Variants in WDR70 observed in about 807,000 individuals in gnomAD.
The protein encoded by WDR70 is WD repeat domain 70.
Under a neutral mutation model 88.6 loss-of-function variants are expected in WDR70, and 53 were observed. The observed-to-expected ratio is 0.60, with a 90% CI of 0.48 to 0.75. WDR70 has a LOEUF of 0.75. WDR70 is among the 30% of genes least tolerant of loss of function. The pLI is 0.00. For missense variants in WDR70, 610 were observed against 823.2 expected, an observed-to-expected ratio of 0.74 and a Z score of 3.17; for synonymous variants, 280 against 270.0, an observed-to-expected ratio of 1.04 and a Z score of -0.36.
intron 9 of WDR70, among the ~76,000 whole-genome samples, chr5:37,599,087 T>C (rs1161027710): frequency 6.6e-6 from 1 of 152,250 alleles, no homozygotes; most frequent in Non-Finnish European, 1.5e-5. Flanking sequence ...CTTGAAGGAC[T>C]ACATAAGCAA....
chr5:37,524,286 CAG>C (rs1201319314), intron 9 of WDR70, among the ~76,000 whole-genome samples: 1 of 152,202 alleles, frequency 6.6e-6, no homozygotes, highest in Non-Finnish European at 1.5e-5. Context: ...GATTTCTCGG[CAG>C]AAGCTCTACA....
chr5:37,484,190 A>T (rs1364622521), intron 8 of WDR70, among the ~76,000 whole-genome samples: 3 of 152,188 alleles, frequency 2.0e-5, no homozygotes, highest in Admixed American at 2.0e-4. Context: ...GCACTTTGGG[A>T]GGCCAAGGCA....
At chr5:37,565,851 A>G (rs1742724265) in intron 9 of WDR70, among the ~76,000 whole-genome samples, 1 of 152,110 alleles carries the variant, frequency 6.6e-6, no homozygotes, top group Non-Finnish European at 1.5e-5. Context: ...TTATAAATAG[A>G]AGATTTGAAT....
intron 10 of WDR70, among the ~76,000 whole-genome samples, chr5:37,609,956 T>C (rs1744139787): frequency 6.6e-6 from 1 of 152,198 alleles, no homozygotes; most frequent in Admixed American, 6.5e-5. Context: ...AAAGATTACT[T>C]TATGTCTTTC....
intron 10 of WDR70, among the ~76,000 whole-genome samples, chr5:37,627,772 GTGGCAAGATAAGA>G (rs1444781356): frequency 6.6e-6 from 1 of 152,124 alleles, no homozygotes; most frequent in Non-Finnish European, 1.5e-5. Flanking sequence ...TTATTTCATT[GTGGCAAGATAAGA>G]TGCGTCATAT....
intron 10 of WDR70, among the ~76,000 whole-genome samples, chr5:37,616,168 G>A (rs1158281276): frequency 2.6e-5 from 4 of 151,928 alleles, no homozygotes; most frequent in African/African-American, 9.7e-5. Flanking sequence ...CCAGGCTGGA[G>A]TGCAGTGGTG....
intron 10 of WDR70, among the ~76,000 whole-genome samples, chr5:37,650,770 G>A (rs1745384330): frequency 6.6e-6 from 1 of 152,106 alleles, no homozygotes; most frequent in Admixed American, 6.5e-5. Flanking sequence ...GAGAGCAGAT[G>A]GGAAAACCAT....
At chr5:37,630,525 C>T (rs1414827216) in intron 10 of WDR70, among the ~76,000 whole-genome samples, 1 of 152,046 alleles carries the variant, frequency 6.6e-6, no homozygotes, top group Non-Finnish European at 1.5e-5. Context: ...ACTTGTAGGC[C>T]TCTCCCACCT....
intron 9 of WDR70, among the ~76,000 whole-genome samples, chr5:37,584,733 C>G (rs1051837975): frequency 7.3e-5 from 11 of 151,564 alleles, no homozygotes; most frequent in African/African-American, 2.4e-4. Context: ...CTGCAGATAC[C>G]CAAGAAGAAG....
At chr5:37,678,990 C>T (rs1484806782) in intron 10 of WDR70, among the ~76,000 whole-genome samples, 2 of 152,186 alleles carry the variant, frequency 1.3e-5, no homozygotes, top group African/African-American at 2.4e-5. Flanking sequence ...TTTCATCTTC[C>T]ATCACTGATA....
intron 6 of WDR70, among the ~76,000 whole-genome samples, chr5:37,439,445 T>A (rs13160250): frequency 0.88 from 133,780 of 152,136 alleles, 61,336 homozygotes; most frequent in East Asian, 1. Context: ...TTTTCTGTCA[T>A]CTAGTCTGGA....
chr5:37,608,836 G>C (rs1744107559), intron 10 of WDR70, among the ~76,000 whole-genome samples: 1 of 152,188 alleles, frequency 6.6e-6, no homozygotes, highest in Non-Finnish European at 1.5e-5. Context: ...TGGTATGACA[G>C]GCGTGAGCCA....
At chr5:37,476,740 C>T (rs374250373) in intron 7 of WDR70, among the ~76,000 whole-genome samples, 38 of 152,180 alleles carry the variant, frequency 2.5e-4, no homozygotes, top group Admixed American at 9.2e-4. Context: ...TTAGTAGAGA[C>T]GGGGTTTCAC....
intron 7 of WDR70, among the ~76,000 whole-genome samples, chr5:37,447,254 G>A (rs952432381): frequency 3.3e-5 from 5 of 152,160 alleles, no homozygotes; most frequent in African/African-American, 1.2e-4. Flanking sequence ...TCTCACACCA[G>A]TTAGAATGGT....
intron 17 of WDR70, 134 bp downstream of exon 17, chr5:37,727,179 TC>T: frequency 9.1e-7 from 1 of 1,097,292 alleles, no homozygotes; most frequent in Non-Finnish European, 1.3e-6. Flanking sequence ...GGCCAGGTAC[TC>T]ATGGTCTTTA....
intron 10 of WDR70, among the ~76,000 whole-genome samples, chr5:37,626,980 A>G (rs1476994619): frequency 1.3e-5 from 2 of 151,998 alleles, no homozygotes; most frequent in Non-Finnish European, 2.9e-5. Context: ...TCTTCCGTTT[A>G]TGATTTTTTC....
intron 3 of WDR70, among the ~76,000 whole-genome samples, chr5:37,382,180 C>T (rs996626682): frequency 4.0e-5 from 6 of 151,384 alleles, no homozygotes; most frequent in African/African-American, 1.5e-4. Context: ...CTCACTGCAG[C>T]CTCCACCTCC....
intron 10 of WDR70, among the ~76,000 whole-genome samples, chr5:37,684,275 T>C (rs1384095283): frequency 6.6e-6 from 1 of 152,240 alleles, no homozygotes; most frequent in East Asian, 1.9e-4. Flanking sequence ...TTCCTATCTA[T>C]ATTCTGAATT....
chr5:37,702,547 A>T (rs954803628), intron 12 of WDR70, among the ~76,000 whole-genome samples: 1 of 152,206 alleles, frequency 6.6e-6, no homozygotes, highest in Admixed American at 6.5e-5. Context: ...AATAATCATT[A>T]CTTAGACATT....
Sources: allele counts gnomAD v4.1 joint callset (sites outside exome capture counted in the v4.1 genomes callset), GRCh38; gene constraint gnomAD v4.1.1; transcripts MANE v1.5; gene names NCBI Gene and HGNC (gene_info 2026-07-23, HGNC 2026-07-21).